PRSS56: variants seen among roughly 807,000 people sequenced by gnomAD.
PRSS56 encodes serine protease 56.
PRSS56 carries 55 observed loss-of-function variants against 66.8 expected under a neutral mutation model. The ratio of observed to expected loss-of-function variants is 0.82; its 90% CI spans 0.66 to 1.03. The LOEUF (loss-of-function observed/expected upper bound fraction) is 1.03, where lower values mean the gene tolerates loss of function less well. Among genes scored for constraint, PRSS56 ranks in the 50% least tolerant of loss-of-function variants. The probability of loss-of-function intolerance (pLI) is 0.00; values close to 1 mark genes in which losing one functional copy is unlikely to be tolerated. For synonymous variants in PRSS56, 409 were observed against 387.9 expected (o/e 1.05, Z -0.64); for missense variants, 869 against 837.2 (o/e 1.04, Z -0.47).
Position 232,521,987 on chromosome 2 carries a change from G to A in PRSS56, c.273G>A (p.Arg91=), listed in dbSNP as rs1691287644. 2.1e-6 allele frequency: 3 copies of A among 1,461,908 alleles called. No individual in the cohort carries two copies. Among genetic ancestry groups the A allele is most frequent in the Non-Finnish European group, 2.7e-6 (3 of 1,110,126 alleles). The allele number at this position is 1,461,908 out of a possible 1,614,324, so 90.6% of individuals were successfully genotyped here. ...CCTTTCTAGGGCCGTGCGGCGAGAG[G>A]CGTCCGAGCACTGCCAATGTGACGC... The part of the protein sequence containing the change: ...DPPEPGPCGE[R]RPSTANVTRA... The change falls in exon 4 of 13, where the codon AGG becomes AGA. Residue 91 remains arginine, a synonymous_variant. Transcript: ENST00000617714.
rs768526175 is a variant in PRSS56, at chr2:232,524,217, TCCAGC to T, written c.1351+27_1351+31del. The T allele has an allele frequency of 1.3e-6, 2 of 1,533,682 alleles. No homozygotes were observed. The highest frequency in any genetic ancestry group is 1.2e-5 in the South Asian group (1 of 83,890). On this transcript the variant is annotated intron_variant, in intron 10 of 12. Transcript: ENST00000617714. The stretch of plus-strand genomic sequence containing the variant: ...GGCTTCACTCAGGTACCCCGCGCCC[TCCAGC>T]CCAGCCCAGCCCTGGCCCGGCCCCA...
At chr2:232,520,723 G>C in intron 1 of PRSS56, 28 bp downstream of exon 1, 2 of 1,444,968 alleles carry the variant, frequency 1.4e-6, no homozygotes, top group Non-Finnish European at 1.9e-6. Flanking sequence ...CGAGAGCCGC[G>C]GGGTTGGGAG....
intron 2 of PRSS56, 73 bp from the exon 3 acceptor site, chr2:232,521,743 G>A: frequency 1.4e-6 from 2 of 1,435,812 alleles, no homozygotes; most frequent in Non-Finnish European, 1.9e-6. Flanking sequence ...TGGGGAGAGA[G>A]AGGCTCGGCC....
rs1240533231 is a variant in PRSS56 at position 232,522,615 on chromosome 2, G to A, written c.546+1G>A. 6.5e-7 allele frequency: 1 copy of A among 1,534,864 alleles called. No homozygotes were observed. The highest frequency in any genetic ancestry group is 8.7e-7 in the Non-Finnish European group (1 of 1,146,278). On this transcript the variant is annotated splice_donor_variant, in intron 5 of 12. Coordinates refer to ENST00000617714, the MANE Select transcript of PRSS56 (RefSeq NM_001195129.2). LOFTEE classifies it high-confidence loss of function. ...GAACCGCATCCTGCCCCACCCCAAG[G>A]TGAGAAGGCAGTCCCCAGGCCCCCA...
chr2:232,521,948 T>C, intron 3 of PRSS56, 23 bp from the exon 4 acceptor site: 1 of 1,506,846 alleles, frequency 6.6e-7, no homozygotes, highest in Non-Finnish European at 8.9e-7. Flanking sequence ...ATGTCCCTCG[T>C]GACACCCCTT....
chr2:232,523,685 G>T, intron 8 of PRSS56, 87 bp from the exon 9 acceptor site: 1 of 1,521,790 alleles, frequency 6.6e-7, no homozygotes, highest in Non-Finnish European at 8.8e-7. Flanking sequence ...CTTCTGCCTC[G>T]GGAAAGCCTG....
At chr2:232,521,286 A>C in intron 1 of PRSS56, 35 bp from the exon 2 acceptor site, 1 of 1,492,734 alleles carries the variant, frequency 6.7e-7, no homozygotes. Context: ...GCTCTTCCCC[A>C]ACCACGCATG....
rs908681409 is a variant in PRSS56, at chr2:232,521,388, A to C, written c.165A>C (p.Arg55=). The change falls in exon 2 of 13, where the codon CGA becomes CGC. Residue 55 remains arginine, a synonymous_variant. Coordinates refer to ENST00000617714, the MANE Select transcript of PRSS56 (RefSeq NM_001195129.2). ...AQRSAQWAIN[R]VAMEIQHRSH... is the part of the protein sequence containing the mutation. ...GGAGCGCCCAGTGGGCAATAAACCG[A>C]GTGGCGATGGAGATCCAGCACAGAT... 1.3e-6 allele frequency: 2 copies of C among 1,536,110 alleles called. No homozygotes were observed. Among genetic ancestry groups the C allele is most frequent in the Admixed American group, 3.9e-5 (2 of 50,994 alleles).
chr2:232,523,459 G>T lies in PRSS56; in HGVS notation c.893G>T (p.Arg298Leu), dbSNP rs1224352180. 7.9e-6 allele frequency: 12 copies of T among 1,511,550 alleles called. No homozygotes were observed. The South Asian group carries it at 1.3e-4, about 16-fold the overall frequency. 93.6% of individuals were successfully genotyped at this position (1,511,550 alleles called of 1,614,324 possible). The change falls in exon 8 of 13, where the codon CGC becomes CTC. Residue 298 changes from arginine (R) to leucine (L), a missense_variant. Arg to Leu is a moderately radical substitution (Grantham distance 102). Transcript: ENST00000617714. ...GPLTCSEPGP[R>L]PREVLFGVTS... is the part of the protein sequence containing the mutation. ...CTGACCTGTTCTGAGCCTGGCCCCCGCCCTAGAGAGGTCCTGTTCGGAGTC... is the reference window on the plus strand; with the variant it reads ...CTGACCTGTTCTGAGCCTGGCCCCCTCCCTAGAGAGGTCCTGTTCGGAGTC...
At chr2:232,522,414 G>T in intron 4 of PRSS56, 101 bp from the exon 5 acceptor site, 1 of 1,131,584 alleles carries the variant, frequency 8.8e-7, no homozygotes, top group South Asian at 1.7e-5. Context: ...GTGCCCCCAG[G>T]TGGAGAAAGC....
chr2:232,522,880 C>G lies in PRSS56; in HGVS notation c.706+19C>G. The G allele has an allele frequency of 6.9e-7, 1 of 1,448,824 alleles. No individual in the cohort carries two copies. The highest frequency in any genetic ancestry group is 1.4e-5 in the South Asian group (1 of 70,474). 89.7% of individuals were successfully genotyped at this position (1,448,824 alleles called of 1,614,324 possible). A position where few individuals can be genotyped will look rare whatever the true frequency, so the allele number is the denominator to read the frequency against. ...TTCGAAGGTACTGGGCGTGGGTGAG[C>G]CGGCGCGTGGTGGGAAGAACTGGGG... On this transcript the variant is annotated intron_variant, in intron 6 of 12. Transcript: ENST00000617714.
intron 8 of PRSS56, 63 bp downstream of exon 8, chr2:232,523,641 C>T: frequency 1.3e-6 from 2 of 1,502,690 alleles, no homozygotes; most frequent in Non-Finnish European, 1.8e-6. Flanking sequence ...GGGACAAGCC[C>T]GTTTCCACCC....
chr2:232,521,893 A>AG, intron 3 of PRSS56, 27 bp downstream of exon 3: 1 of 1,532,844 alleles, frequency 6.5e-7, no homozygotes, highest in Admixed American at 2.0e-5. Context: ...TCGAGGGGGC[A>AG]GGCCTGAGAG....
At position 232,523,522 on chromosome 2, in the gene PRSS56, C is replaced by G; in HGVS notation, c.956C>G (p.Pro319Arg). 1 of 1,532,966 alleles carries G rather than the reference C, an allele frequency of 6.5e-7. No homozygotes were observed. Among genetic ancestry groups the G allele is most frequent in the Non-Finnish European group, 8.7e-7 (1 of 1,145,678 alleles). 95.0% of individuals were successfully genotyped at this position (1,532,966 alleles called of 1,614,324 possible). Residue 319 changes from proline (P) to arginine (R), a missense_variant, in exon 8 of 13, where the codon CCC (proline) becomes CGC (arginine). Physicochemically the swap from Pro to Arg is moderately radical, Grantham distance 103. Transcript: ENST00000617714. ...WGDGCGEPGK[P>R]GVYTRVAVFK... ...GACGGCTGCGGGGAGCCAGGGAAGC[C>G]CGGGGTCTACACCCGCGTGGCAGTG...
chr2:232,520,720 C>T (rs1024273792), intron 1 of PRSS56, 25 bp downstream of exon 1: 33 of 1,474,220 alleles, frequency 2.2e-5, no homozygotes, highest in African/African-American at 8.4e-5. Context: ...GCCCGAGAGC[C>T]GCGGGGTTGG....
chr2:232,524,907 G>C (rs1691386011), intron 12 of PRSS56, 63 bp downstream of exon 12: 1 of 1,325,982 alleles, frequency 7.5e-7, no homozygotes, highest in African/African-American at 1.5e-5. Context: ...CCAGCCCAGG[G>C]AAGATGCAGA....
intron 8 of PRSS56, 73 bp downstream of exon 8, chr2:232,523,651 C>A (rs1408473411): frequency 3.3e-6 from 5 of 1,503,694 alleles, no homozygotes; most frequent in Admixed American, 2.1e-5. Flanking sequence ...CGTTTCCACC[C>A]GGCCCATGCC....
intron 4 of PRSS56, 88 bp downstream of exon 4, chr2:232,522,248 A>C: frequency 6.5e-6 from 8 of 1,239,316 alleles, no homozygotes; most frequent in Non-Finnish European, 8.4e-6. Context: ...GACGCGCGGG[A>C]AAGGTGGTCT....
chr2:232,523,796 G>T lies in PRSS56; in HGVS notation c.1037G>T (p.Cys346Phe). Reference sequence around the variant, plus strand: ...GCCTCCTCCAGCCGCGAGCCCAGCTGCAGGGAGCTTCTGGCCTGGGACCCC... The same window carrying T: ...GCCTCCTCCAGCCGCGAGCCCAGCTTCAGGGAGCTTCTGGCCTGGGACCCC... The part of the protein sequence containing the change: ...MSASSSREPS[C>F]RELLAWDPPQ... Residue 346 changes from cysteine (C) to phenylalanine (F), a missense_variant, in exon 9 of 13, where the codon TGC becomes TTC. Transcript: ENST00000617714. The T allele has an allele frequency of 1.3e-6, 2 of 1,533,988 alleles. No homozygotes were observed. Among genetic ancestry groups the T allele is most frequent in the East Asian group, 2.4e-5 (1 of 40,892 alleles).
Sources: gnomAD v4.1 joint callset for allele counts on GRCh38, gnomAD v4.1.1 for gene constraint, MANE v1.5 for transcripts, NCBI Gene and HGNC (gene_info 2026-07-23, HGNC 2026-07-21) for gene names.